Variants in DCHS1 observed in about 807,000 individuals in gnomAD.
DCHS1 encodes protocadherin-16.
In DCHS1, 78 loss-of-function variants were observed where a neutral mutation model predicts 213.9. The observed-to-expected ratio is 0.36, with a 90% CI of 0.30 to 0.44. DCHS1 has a LOEUF of 0.44. DCHS1 is among the 20% of genes least tolerant of loss of function. The pLI is 1.00. For missense variants in DCHS1, 3,946 were observed against 4,395.9 expected, an observed-to-expected ratio of 0.90 and a Z score of 2.89; for synonymous variants, 1,828 against 1,873.7, an observed-to-expected ratio of 0.98 and a Z score of 0.63.
intron 2 of DCHS1, among the ~76,000 whole-genome samples, chr11:6,639,321 G>A (rs909053324): frequency 2.0e-5 from 3 of 152,098 alleles, no homozygotes; most frequent in African/African-American, 7.2e-5. Context: ...TTCCTGCTCT[G>A]GATATTGAGA....
At chr11:6,639,764 T>C (rs1856036870) in intron 2 of DCHS1, 53 bp downstream of exon 2, 19 of 1,459,932 alleles carry the variant, frequency 1.3e-5, no homozygotes, top group Non-Finnish European at 1.7e-5. Flanking sequence ...TGAGGTCCCC[T>C]GTGGCTCTCA....
chr11:6,634,359 G>A, intron 2 of DCHS1, 53 bp from the exon 3 acceptor site: 1 of 1,516,316 alleles, frequency 6.6e-7, no homozygotes. Flanking sequence ...AGAAAAGCCA[G>A]AGGTAGGTGG....
rs537075140 is a variant in DCHS1 at position 6,646,784 on chromosome 11, G to C, written c.-120-5051C>G. 1.2e-4 allele frequency among the ~76,000 whole-genome samples: 18 copies of C among 152,268 alleles called. 1 individual carries two copies. The East Asian group carries it at 3.1e-3, about 26-fold the overall frequency. ...CATTAGGAGGGGGAGGGGCAAGACT[G>C]TTCATTGGGGCCTGAAACGTGATGT... On this transcript the variant is annotated intron_variant, in intron 1 of 20. Coordinates refer to ENST00000299441, the MANE Select transcript of DCHS1 (RefSeq NM_003737.4).
In DCHS1 at chr11:6,641,360, C is replaced by T; in HGVS notation, c.254G>A (p.Gly85Asp). The change falls in exon 2 of 21, where the codon GGC becomes GAC. Residue 85 changes from glycine (G) to aspartate (D), a missense_variant. Physicochemically the swap from Gly to Asp is moderately conservative, Grantham distance 94 (BLOSUM62 -1). Around this residue, in one of 3 missense-constraint regions of DCHS1, gnomAD observed 3,384 missense variants for 3,780.1 expected, o/e 0.90. Transcript: ENST00000299441. This position sits in a 1 kb window ranked among gnomAD's most constrained non-coding sequence, Gnocchi z 7.1. ...GGCCAGGTCTGTGCCCACGCCGCTGCCCTCTTGGGCAGAGATGAAGTACAT... is the reference window on the plus strand; with the variant it reads ...GGCCAGGTCTGTGCCCACGCCGCTGTCCTCTTGGGCAGAGATGAAGTACAT... ...PLMYFISAQEGSGVGTDLAID... is the reference protein window; with the variant it reads ...PLMYFISAQEDSGVGTDLAID... The T allele has an allele frequency of 6.2e-7, 1 of 1,613,530 alleles. No individual in the cohort carries two copies. The highest frequency in any genetic ancestry group is 8.5e-7 in the Non-Finnish European group (1 of 1,179,890).
In DCHS1 at chr11:6,626,743, AG is replaced by A; in HGVS notation, c.6250+45del. On this transcript the variant is annotated intron_variant, in intron 14 of 20. Transcript: ENST00000299441. This position sits in a 1 kb window ranked among gnomAD's most constrained non-coding sequence, Gnocchi z 5.2. ...GGGGACATTTTCAAAGCACAACCCCAGCCCATTTGGGAGTCTGAATCTGGAA... is the reference window on the plus strand; with the variant it reads ...GGGGACATTTTCAAAGCACAACCCCACCCATTTGGGAGTCTGAATCTGGAA... 3 of 1,609,952 alleles carry A rather than the reference AG, an allele frequency of 1.9e-6. No homozygotes were observed. The highest frequency in any genetic ancestry group is 2.5e-6 in the Non-Finnish European group (3 of 1,178,088).
rs756035119 is a variant in DCHS1 at position 6,632,086 on chromosome 11, G to A, written c.3426C>T (p.Tyr1142=). The part of the protein sequence containing the change: ...RDSGPNGRLT[Y]SLQQLSEDSK... Reference sequence around the variant, plus strand: ...TGTCTTCAGACAGCTGTTGCAGGCTGTAGGTCAGACGTCCATTGGGTCCTG... The same window carrying A: ...TGTCTTCAGACAGCTGTTGCAGGCTATAGGTCAGACGTCCATTGGGTCCTG... The change falls in exon 6 of 21, where the codon TAC becomes TAT. Residue 1142 remains tyrosine, a synonymous_variant. Transcript: ENST00000299441. This position sits in a 1 kb window ranked among gnomAD's most constrained non-coding sequence, Gnocchi z 5.9. 1.9e-6 allele frequency: 3 copies of A among 1,544,352 alleles called. No individual in the cohort carries two copies. The highest frequency in any genetic ancestry group is 2.6e-6 in the Non-Finnish European group (3 of 1,142,132).
At chr11:6,633,735 G>A (rs1564866204) in intron 4 of DCHS1, 54 bp downstream of exon 4, 1 of 1,599,156 alleles carries the variant, frequency 6.3e-7, no homozygotes, top group Non-Finnish European at 8.5e-7. Flanking sequence ...ACATCATTTA[G>A]GCAGGTGGGG....
chr11:6,624,993 C>A, intron 19 of DCHS1, 125 bp from the exon 20 acceptor site: 1 of 1,447,418 alleles, frequency 6.9e-7, no homozygotes, highest in Non-Finnish European at 9.4e-7. Context: ...GCCCCTACTC[C>A]TAAGTATTCG....
Position 6,623,533 on chromosome 11 carries a change from C to T in DCHS1, c.8143G>A (p.Val2715Met), listed in dbSNP as rs757739092. ...AFPLNLLSTSVAENQPPGTLV... is the reference protein window; with the variant it reads ...AFPLNLLSTSMAENQPPGTLV... ...GTGCCTGGAGGCTGATTCTCGGCCA[C>T]GCTGGTGCTGAGTAAGTTCAGTGGG... Residue 2715 changes from valine to methionine, a missense_variant, in exon 21 of 21, where the codon GTG becomes ATG. Val to Met is a conservative substitution (Grantham distance 21, BLOSUM62 1). This residue lies in a region of DCHS1 where 3,384 missense variants were observed against 3,780.1 expected (regional missense o/e 0.90). Transcript: ENST00000299441. The T allele has an allele frequency of 1.1e-5, 18 of 1,609,726 alleles. No individual in the cohort carries two copies. Among genetic ancestry groups the T allele is most frequent in the Non-Finnish European group, 5.9e-6 (7 of 1,178,092 alleles).
chr11:6,628,834 T>G lies in DCHS1; in HGVS notation c.5162-4A>C, dbSNP rs780903649. 1.2e-5 allele frequency: 20 copies of G among 1,611,346 alleles called. No homozygotes were observed. In the South Asian group the frequency reaches 1.9e-4, roughly 15 times the overall value. ...GAGCCCCTGTCCTGGGCATACACTGTGGGGAAGCAAAATCAATGAGGTCTA... is the reference window on the plus strand; with the variant it reads ...GAGCCCCTGTCCTGGGCATACACTGGGGGGAAGCAAAATCAATGAGGTCTA... On this transcript the variant is annotated splice_region_variant and splice_polypyrimidine_tract_variant and intron_variant, in intron 12 of 20. Transcript: ENST00000299441. The surrounding 1 kb of genome is among the most constrained non-coding windows in gnomAD (Gnocchi z 4.3).
Position 6,630,795 on chromosome 11 carries a change from C to G in DCHS1, c.3999G>C (p.Val1333=), listed in dbSNP as rs920904111. 7 of 1,545,448 alleles carry G rather than the reference C, an allele frequency of 4.5e-6. No individual in the cohort carries two copies. The highest frequency in any genetic ancestry group is 2.7e-5 in the African/African-American group (2 of 73,004). Residue 1333 remains valine (V), a synonymous_variant, in exon 10 of 21, where the codon GTG becomes GTC. Transcript: ENST00000299441. ...DLAERDPAAP[V]PVVLTVTAAE... Reference sequence around the variant, plus strand: ...CTGCTGTCACCGTCAGCACGACAGGCACTGGTGCCGCTGGGTCCCGCTCTG... The same window carrying G: ...CTGCTGTCACCGTCAGCACGACAGGGACTGGTGCCGCTGGGTCCCGCTCTG...
chr11:6,622,668 T>C lies in DCHS1; in HGVS notation c.9008A>G (p.Tyr3003Cys), dbSNP rs550669430. ...ACCATAGCTGGGAAGAGTCTGGTGA[T>C]AGAGGTGCTCAGAGGGTGGTGGACT... ...PPSPPPSEHL[Y>C]HQTLPSYGGP... Residue 3003 changes from tyrosine to cysteine, a missense_variant, in exon 21 of 21, where the codon TAT becomes TGT. By Grantham distance (194) the Tyr-to-Cys change is radical. Around this residue, in one of 3 missense-constraint regions of DCHS1, gnomAD observed 554 missense variants for 590.2 expected, o/e 0.94. Transcript: ENST00000299441. The surrounding 1 kb of genome is among the most constrained non-coding windows in gnomAD (Gnocchi z 5.4). 3.1e-6 allele frequency: 5 copies of C among 1,594,718 alleles called. No homozygotes were observed. The South Asian group carries it at 3.4e-5, about 11-fold the overall frequency.
At position 6,626,616 on chromosome 11, in the gene DCHS1, T is replaced by C; in HGVS notation, c.6300A>G (p.Gly2100=). ...PRAVHAGGTN[G]PITYSILSGN... is the part of the protein sequence containing the mutation. ...CACTGAGAATGCTGTAGGTGATGGG[T>C]CCATTTGTGCCTCCTGCATGGACGG... The change falls in exon 15 of 21, where the codon GGA becomes GGG. Residue 2100 remains glycine (G), a synonymous_variant. Transcript: ENST00000299441. This position sits in a 1 kb window ranked among gnomAD's most constrained non-coding sequence, Gnocchi z 5.2. The C allele has an allele frequency of 1.2e-6, 2 of 1,613,832 alleles. No individual in the cohort carries two copies. The highest frequency in any genetic ancestry group is 1.7e-6 in the Non-Finnish European group (2 of 1,179,846).
Position 6,640,856 on chromosome 11 carries a change from G to A in DCHS1, c.758C>T (p.Pro253Leu), listed in dbSNP as rs1423279459. Residue 253 changes from proline to leucine, a missense_variant, in exon 2 of 21, where the codon CCG (proline) becomes CTG (leucine). Coordinates refer to ENST00000299441, the MANE Select transcript of DCHS1 (RefSeq NM_003737.4). The surrounding 1 kb of genome is among the most constrained non-coding windows in gnomAD (Gnocchi z 6.5). ...VTLLDINDHA[P>L]AFNQSRYHAV... ...ATGGTAGCGGCTCTGATTGAAAGCCGGGGCATGGTCATTGATGTCCAGCAG... is the reference window on the plus strand; with the variant it reads ...ATGGTAGCGGCTCTGATTGAAAGCCAGGGCATGGTCATTGATGTCCAGCAG... The A allele has an allele frequency of 2.5e-6, 4 of 1,614,016 alleles. No individual in the cohort carries two copies. The highest frequency in any genetic ancestry group is 1.1e-5 in the South Asian group (1 of 91,082).
rs908910621 is a variant in DCHS1, at chr11:6,628,091, A to C, written c.5372-424T>G. On this transcript the variant is annotated intron_variant, in intron 13 of 20. Coordinates refer to ENST00000299441, the MANE Select transcript of DCHS1 (RefSeq NM_003737.4). This position sits in a 1 kb window ranked among gnomAD's most constrained non-coding sequence, Gnocchi z 4.3. ...TTAGAGCATGAATCTGTGTGTCTTC[A>C]GAGATTCAGTTTGTTCTGGCTATCT... Among the ~76,000 whole-genome samples the C allele has an allele frequency of 6.6e-6, 1 of 152,260 alleles. No homozygotes were observed. The highest frequency in any genetic ancestry group is 2.4e-5 in the African/African-American group (1 of 41,468).
chr11:6,624,953 T>C, intron 19 of DCHS1, 85 bp from the exon 20 acceptor site: 2 of 1,566,114 alleles, frequency 1.3e-6, no homozygotes, highest in Non-Finnish European at 1.7e-6. Flanking sequence ...TGGTTCCTTG[T>C]GCCCTGCTTG....
At chr11:6,645,589 G>A (rs181407575) in intron 1 of DCHS1, among the ~76,000 whole-genome samples, 78 of 152,292 alleles carry the variant, frequency 5.1e-4, no homozygotes, top group Admixed American at 1.2e-3. Flanking sequence ...TGATAAACAC[G>A]TTTTCTGAAT....
intron 1 of DCHS1, among the ~76,000 whole-genome samples, chr11:6,645,021 G>T (rs751249607): frequency 6.6e-6 from 1 of 152,236 alleles, no homozygotes; most frequent in Non-Finnish European, 1.5e-5. Flanking sequence ...TGAGCCCCAG[G>T]CTGCGCATTA....
In DCHS1 at chr11:6,630,035, C is replaced by A; in HGVS notation, c.4759G>T (p.Gly1587Cys). ...TGCAGCCGGAAGTGGCCGTCCCCGC[C>A]AGATGCCAGCCGATAGGACACGCGT... ...AARVSYRLAS[G>C]GDGHFRLHSS... Residue 1587 changes from glycine to cysteine, a missense_variant, in exon 10 of 21, where the codon GGC (glycine) becomes TGC (cysteine). Gly to Cys is a radical substitution (Grantham distance 159, BLOSUM62 -3). Transcript: ENST00000299441. 6.4e-7 allele frequency: 1 copy of A among 1,557,918 alleles called. No individual in the cohort carries two copies. The highest frequency in any genetic ancestry group is 8.7e-7 in the Non-Finnish European group (1 of 1,148,640).
Sources: allele counts gnomAD v4.1 joint callset (sites outside exome capture counted in the v4.1 genomes callset), GRCh38; gene constraint gnomAD v4.1.1; regional missense constraint gnomAD v4.1.1; non-coding constraint Gnocchi (gnomAD v3.1); transcripts MANE v1.5; gene names NCBI Gene and HGNC (gene_info 2026-07-23, HGNC 2026-07-21).